The following OPCML variants were observed in gnomAD, a reference collection of about 807,000 sequenced individuals.
The protein encoded by OPCML is opioid binding protein/cell adhesion molecule like.
Under a neutral mutation model 37.8 loss-of-function variants are expected in OPCML, and 13 were observed. That is an observed-to-expected ratio of 0.34 (90% CI 0.22 to 0.55). The LOEUF is 0.55. OPCML is among the 20% of genes least tolerant of loss of function. The pLI is 0.91. For synonymous variants in OPCML, 176 were observed against 168.8 expected, an observed-to-expected ratio of 1.04 and a Z score of -0.33; for missense variants, 341 against 435.6, an observed-to-expected ratio of 0.78 and a Z score of 1.93.
chr11:132,937,301 GAGAAAGACAGACC>G (rs1414115240), intron 2 of OPCML, among the ~76,000 whole-genome samples: 11 of 152,172 alleles, frequency 7.2e-5, no homozygotes, highest in African/African-American at 2.7e-4. Context: ...GAAAGGAAAT[GAGAAAGACAGACC>G]TAAACCAAGC....
intron 1 of OPCML, among the ~76,000 whole-genome samples, chr11:133,333,295 G>A (rs1943666495): frequency 6.6e-6 from 1 of 151,994 alleles, no homozygotes; most frequent in African/African-American, 2.4e-5. Context: ...CTAACCTCAG[G>A]TGATCCATCC....
rs548267618 is a variant in OPCML at position 132,415,991 on chromosome 11, T to C, written c.*4202A>G. On this transcript the variant is annotated 3_prime_UTR_variant, in exon 8 of 8. Transcript: ENST00000524381. ...TTACTCAAGTGCTCAAACTTATTTG[T>C]CTTCAAGTAAAAAGACAGGGAAGCT... is the stretch of plus-strand genomic sequence containing the variant. 6.5e-6 allele frequency: 1 copy of C among 152,720 alleles called. No homozygotes were observed. Among genetic ancestry groups the C allele is most frequent in the Non-Finnish European group, 1.5e-5 (1 of 68,040 alleles). The allele number at this position is 152,720 out of a possible 1,614,324, so 9.5% of individuals were successfully genotyped here.
intron 2 of OPCML, among the ~76,000 whole-genome samples, chr11:132,763,509 A>G (rs1591574896): frequency 6.6e-6 from 1 of 152,146 alleles, no homozygotes; most frequent in Admixed American, 6.5e-5. Flanking sequence ...GTGGCTTCTT[A>G]TGATCAAAAT....
intron 4 of OPCML, among the ~76,000 whole-genome samples, chr11:132,485,353 T>C (rs2096196325): frequency 6.6e-6 from 1 of 152,230 alleles, no homozygotes; most frequent in Non-Finnish European, 1.5e-5. Context: ...CACGGTTCTT[T>C]GTGTTTTTTG....
intron 1 of OPCML, among the ~76,000 whole-genome samples, chr11:133,330,831 A>G (rs1943602487): frequency 6.6e-6 from 1 of 152,226 alleles, no homozygotes. Context: ...AACTTAAAGT[A>G]TAATAATAAT....
At chr11:133,433,168 C>T (rs1344896171) in intron 1 of OPCML, among the ~76,000 whole-genome samples, 5 of 148,412 alleles carry the variant, frequency 3.4e-5, no homozygotes, top group East Asian at 3.9e-4. Context: ...AGGAGAATGG[C>T]GTGAACCCGG....
intron 1 of OPCML, among the ~76,000 whole-genome samples, chr11:133,217,108 C>T (rs1939615742): frequency 8.0e-6 from 1 of 125,626 alleles, no homozygotes; most frequent in Middle Eastern, 4.0e-3. Flanking sequence ...AAGAACTCAG[C>T]CCTTTTCCTT....
At chr11:132,561,105 T>C (rs895203941) in intron 3 of OPCML, among the ~76,000 whole-genome samples, 1 of 152,190 alleles carries the variant, frequency 6.6e-6, no homozygotes, top group Non-Finnish European at 1.5e-5. Context: ...CCTAACTTAA[T>C]ACCAACACTC....
chr11:133,240,716 C>A (rs73598471), intron 1 of OPCML, among the ~76,000 whole-genome samples: 1 of 152,202 alleles, frequency 6.6e-6, no homozygotes, highest in African/African-American at 2.4e-5. Context: ...TATTTTCAAT[C>A]GCCTCCATCA....
chr11:133,393,841 C>G (rs1257428209), intron 1 of OPCML, among the ~76,000 whole-genome samples: 1 of 152,226 alleles, frequency 6.6e-6, no homozygotes, highest in Admixed American at 6.5e-5. Flanking sequence ...ATGACTACAG[C>G]TTTGGCAAGT....
At chr11:133,006,278 G>A in intron 1 of OPCML, 2 of 497,066 alleles carry the variant, frequency 4.0e-6, no homozygotes, top group Non-Finnish European at 5.2e-6. Flanking sequence ...CAGGGACTCT[G>A]GCCTGGTGAG....
chr11:133,347,667 C>G (rs1039641304), intron 1 of OPCML, among the ~76,000 whole-genome samples: 1 of 152,180 alleles, frequency 6.6e-6, no homozygotes, highest in African/African-American at 2.4e-5. Flanking sequence ...TTGGACATAG[C>G]AGCATGCTAT....
chr11:133,487,769 CTG>C (rs1220624831), intron 1 of OPCML, among the ~76,000 whole-genome samples: 4 of 139,314 alleles, frequency 2.9e-5, no homozygotes, highest in African/African-American at 5.9e-5. Context: ...CAGAGATACT[CTG>C]TGTTTGTGTG....
At chr11:133,034,308 G>GGGGTGT (rs1555079919) in intron 1 of OPCML, among the ~76,000 whole-genome samples, 8 of 143,536 alleles carry the variant, frequency 5.6e-5, no homozygotes, top group South Asian at 2.3e-4. Context: ...TGTATGTATA[G>GGGGTGT]GTGTGTGTGT....
intron 2 of OPCML, among the ~76,000 whole-genome samples, chr11:132,764,688 TC>T (rs1340440154): frequency 1.3e-5 from 2 of 152,176 alleles, no homozygotes; most frequent in Non-Finnish European, 2.9e-5. Flanking sequence ...GGACCTCTGT[TC>T]CACTGAGCAG....
intron 1 of OPCML, among the ~76,000 whole-genome samples, chr11:133,476,960 G>A (rs1947253157): frequency 6.6e-6 from 1 of 152,202 alleles, no homozygotes; most frequent in South Asian, 2.1e-4. Flanking sequence ...GACTGGGTGT[G>A]AAGGGGAGAG....
At chr11:133,513,723 G>C (rs757344791) in intron 1 of OPCML, among the ~76,000 whole-genome samples, 5 of 152,182 alleles carry the variant, frequency 3.3e-5, no homozygotes, top group Non-Finnish European at 7.3e-5. Context: ...TAGAAAGTGA[G>C]TGCATAACTG....
chr11:133,286,659 G>C (rs1942308706), intron 1 of OPCML, among the ~76,000 whole-genome samples: 1 of 152,104 alleles, frequency 6.6e-6, no homozygotes, highest in Non-Finnish European at 1.5e-5. Context: ...TGATTTACTT[G>C]CTGGTCAGTA....
chr11:133,314,214 T>G (rs184690898), intron 1 of OPCML, among the ~76,000 whole-genome samples: 2,236 of 106,506 alleles, frequency 0.021, 32 homozygotes, highest in South Asian at 0.04. Flanking sequence ...CAGCCTGGGC[T>G]ACAGCGAGAC....
Sources: allele counts gnomAD v4.1 joint callset (sites outside exome capture counted in the v4.1 genomes callset), GRCh38; gene constraint gnomAD v4.1.1; transcripts MANE v1.5; gene names NCBI Gene and HGNC (gene_info 2026-07-23, HGNC 2026-07-21).